The following SKI variants were observed in gnomAD, a reference collection of about 807,000 sequenced individuals.
SKI encodes ski oncogene.
A neutral mutation model predicts 59.3 loss-of-function variants in SKI; 23 were observed. The ratio of observed to expected loss-of-function variants is 0.39; its 90% confidence interval spans 0.28 to 0.55. SKI has a LOEUF of 0.55. Ranked by LOEUF, SKI falls within the 20% of genes least tolerant of loss-of-function variation. SKI has a pLI of 0.67. For synonymous variants in SKI, 673 were observed against 488.6 expected (o/e 1.38, Z -4.98); for missense variants, 1,017 against 1,038.9 (o/e 0.98, Z 0.29).
chr1:2,302,807 A>T (rs1438153011), intron 1 of SKI, among the ~76,000 whole-genome samples, 171 bp from the exon 2 acceptor site: 1 of 152,138 alleles, frequency 6.6e-6, no homozygotes, highest in African/African-American at 2.4e-5. Flanking sequence ...CCTTTATGCA[A>T]AGTGAACTTG....
chr1:2,306,191 G>A lies in SKI; in HGVS notation c.1939G>A (p.Ala647Thr), dbSNP rs1312365709. The A allele has an allele frequency of 6.3e-7, 1 of 1,583,714 alleles. No individual in the cohort carries two copies. Among genetic ancestry groups the A allele is most frequent in the Admixed American group, 1.8e-5 (1 of 55,056 alleles). Residue 647 changes from alanine (A) to threonine (T), a missense_variant, in exon 6 of 7, where the codon GCC (alanine) becomes ACC (threonine). Coordinates refer to ENST00000378536, the MANE Select transcript of SKI (RefSeq NM_003036.4). Reference sequence around the variant, plus strand: ...GCGGGAGCTGGAGCAGGCGCGGCAGGCCCGGGTGTGCGACAAGGGCTGCGA... The same window carrying A: ...GCGGGAGCTGGAGCAGGCGCGGCAGACCCGGGTGTGCGACAAGGGCTGCGA... ...LKRELEQARQ[A>T]RVCDKGCEAG... is the part of the protein sequence containing the mutation.
chr1:2,304,269 T>A, intron 4 of SKI, 24 bp from the exon 5 acceptor site: 1 of 1,551,758 alleles, frequency 6.4e-7, no homozygotes, highest in South Asian at 1.2e-5. Flanking sequence ...CATGACTTTG[T>A]TTCTGTCTCT....
chr1:2,303,823 C>T lies in SKI; in HGVS notation c.1212-17C>T, dbSNP rs1482082437. The T allele has an allele frequency of 2.5e-6, 4 of 1,611,606 alleles. No homozygotes were observed. The African/African-American group carries it at 4.0e-5, about 16-fold the overall frequency. ...TGGGGACAGAGGCACCTTCCCGACACCCGCCTGCCCCTCCAGCTTCTACTC... is the reference window on the plus strand; with the variant it reads ...TGGGGACAGAGGCACCTTCCCGACATCCGCCTGCCCCTCCAGCTTCTACTC... On this transcript the variant is annotated splice_polypyrimidine_tract_variant and intron_variant, in intron 3 of 6. Coordinates refer to ENST00000378536, the MANE Select transcript of SKI (RefSeq NM_003036.4). This position sits in a 1 kb window ranked among gnomAD's most constrained non-coding sequence, Gnocchi z 5.6.
intron 1 of SKI, among the ~76,000 whole-genome samples, chr1:2,257,106 A>G (rs186347652): frequency 1.6e-4 from 24 of 152,016 alleles, no homozygotes; most frequent in Non-Finnish European, 2.8e-4. Flanking sequence ...TCATGATTTC[A>G]TTTTCGTTTC....
At chr1:2,239,814 C>T (rs1221217892) in intron 1 of SKI, among the ~76,000 whole-genome samples, 1 of 152,204 alleles carries the variant, frequency 6.6e-6, no homozygotes, top group Non-Finnish European at 1.5e-5. Context: ...TCCTGCCCTC[C>T]GGGGCGTCCC....
intron 1 of SKI, among the ~76,000 whole-genome samples, chr1:2,286,034 C>T (rs983209636): frequency 1.2e-4 from 19 of 152,012 alleles, no homozygotes; most frequent in African/African-American, 1.7e-4. Flanking sequence ...CTGCCACACC[C>T]GGCTAATTTT....
At chr1:2,252,962 T>G (rs260511) in intron 1 of SKI, among the ~76,000 whole-genome samples, 82,543 of 151,698 alleles carry the variant, frequency 0.54, 22,907 homozygotes, top group East Asian at 0.83. Flanking sequence ...CGGGCGTGGT[T>G]GCAGGTGCCT....
At position 2,303,745 on chromosome 1, in the gene SKI, C is replaced by A. The variant is rs2100917974; in HGVS notation, c.1212-95C>A. On this transcript the variant is annotated intron_variant, in intron 3 of 6. Transcript: ENST00000378536. This position sits in a 1 kb window ranked among gnomAD's most constrained non-coding sequence, Gnocchi z 5.6. ...AAGATTCGGAGCTGGGAAAGTCTTT[C>A]CTGTTTAACACCTTCAGAGGGGGTG... The A allele has an allele frequency of 1.3e-6, 2 of 1,493,654 alleles. No individual in the cohort carries two copies. Among genetic ancestry groups the A allele is most frequent in the East Asian group, 4.7e-5 (2 of 42,568 alleles). The allele number at this position is 1,493,654 out of a possible 1,614,324, so 92.5% of individuals were successfully genotyped here.
At chr1:2,265,409 G>A (rs866227959) in intron 1 of SKI, among the ~76,000 whole-genome samples, 1 of 152,002 alleles carries the variant, frequency 6.6e-6, no homozygotes, top group African/African-American at 2.4e-5. Context: ...TCTCCTCCAC[G>A]GTTAATCCCA....
At chr1:2,304,920 G>A (rs60363208) in intron 5 of SKI, among the ~76,000 whole-genome samples, 24,477 of 152,252 alleles carry the variant, frequency 0.16, 2,249 homozygotes, top group East Asian at 0.38. Context: ...AAGGGAGGCC[G>A]GGCTATTTTT....
chr1:2,252,576 C>T (rs1183464615), intron 1 of SKI, among the ~76,000 whole-genome samples: 9 of 149,166 alleles, frequency 6.0e-5, no homozygotes, highest in African/African-American at 1.7e-4. Context: ...TCAGTGCCCG[C>T]GGAGCAGGTA....
At chr1:2,252,199 C>G (rs1639167443) in intron 1 of SKI, among the ~76,000 whole-genome samples, 2 of 152,158 alleles carry the variant, frequency 1.3e-5, no homozygotes, top group Admixed American at 6.5e-5. Context: ...TTTATCCTAC[C>G]TTAAGTTTTC....
intron 1 of SKI, among the ~76,000 whole-genome samples, chr1:2,237,336 G>A (rs1464395373): frequency 2.0e-5 from 3 of 152,188 alleles, no homozygotes; most frequent in East Asian, 1.9e-4. Context: ...TGCTCCCTGC[G>A]GTGCTCCTGG....
In SKI at chr1:2,228,926, G is replaced by A; in HGVS notation, c.160G>A (p.Glu54Lys). Residue 54 changes from glutamate (E) to lysine (K), a missense_variant, in exon 1 of 7, where the codon GAG (glutamate) becomes AAG (lysine). By Grantham distance (56) the Glu-to-Lys change is moderately conservative (BLOSUM62 1). Transcript: ENST00000378536. The stretch of plus-strand genomic sequence containing the variant: ...GGCCTACAAGAAGGAGAGCGCCAAG[G>A]AGGCGGGCGCGGCCGCGGTGCCGGC... Reference protein sequence around the residue: ...QEAYKKESAKEAGAAAVPAPV... With the variant: ...QEAYKKESAKKAGAAAVPAPV... The A allele has an allele frequency of 7.2e-7, 1 of 1,389,284 alleles. No homozygotes were observed. Among genetic ancestry groups the A allele is most frequent in the Non-Finnish European group, 9.4e-7 (1 of 1,066,390 alleles). 86.1% of individuals were successfully genotyped at this position (1,389,284 alleles called of 1,614,324 possible).
chr1:2,306,871 C>T lies in SKI; in HGVS notation c.*106C>T, dbSNP rs905190438. On this transcript the variant is annotated 3_prime_UTR_variant, in exon 7 of 7. Transcript: ENST00000378536. ...CGCCCCTGCAGCCCACACAGCACAA[C>T]GTCTTACCGTGCCTATTACCAAGCG... is the stretch of plus-strand genomic sequence containing the variant. 1.5e-5 allele frequency: 11 copies of T among 741,570 alleles called. No individual in the cohort carries two copies. The highest frequency in any genetic ancestry group is 3.1e-5 in the South Asian group (1 of 32,488). The allele number at this position is 741,570 out of a possible 1,614,324, so 45.9% of individuals were successfully genotyped here. A position where few individuals can be genotyped will look rare whatever the true frequency, so the allele number is the denominator to read the frequency against.
chr1:2,278,530 G>C (rs1396100997), intron 1 of SKI, among the ~76,000 whole-genome samples: 1 of 152,170 alleles, frequency 6.6e-6, no homozygotes, highest in East Asian at 1.9e-4. Flanking sequence ...TGGCCTCAGC[G>C]CAGCAGGCCT....
rs367813888 is a variant in SKI at position 2,268,190 on chromosome 1, G to A, written c.970-34788G>A. ...TCTGTGGGTGGGTGGCTGTGCTGCC[G>A]CTGCTGTCGCCCATCCTTGGGGGCC... is the stretch of plus-strand genomic sequence containing the variant. On this transcript the variant is annotated intron_variant, in intron 1 of 6. Transcript: ENST00000378536. The surrounding 1 kb of genome is among the most constrained non-coding windows in gnomAD (Gnocchi z 5.0). Among the ~76,000 whole-genome samples, 2 of 152,326 alleles carry A rather than the reference G, an allele frequency of 1.3e-5. No homozygotes were observed. The highest frequency in any genetic ancestry group is 2.1e-4 in the South Asian group (1 of 4,826).
rs764434295 is a variant in SKI, at chr1:2,306,185, C to G, written c.1933C>G (p.Arg645Gly). ...LRLKRELEQARQARVCDKGCE... is the reference protein window; with the variant it reads ...LRLKRELEQAGQARVCDKGCE... ...CCTGAAGCGGGAGCTGGAGCAGGCG[C>G]GGCAGGCCCGGGTGTGCGACAAGGG... The change falls in exon 6 of 7, where the codon CGG becomes GGG. Residue 645 changes from arginine to glycine, a missense_variant. Transcript: ENST00000378536. 3 of 1,585,968 alleles carry G rather than the reference C, an allele frequency of 1.9e-6. No individual in the cohort carries two copies. Among genetic ancestry groups the G allele is most frequent in the Non-Finnish European group, 2.6e-6 (3 of 1,167,146 alleles).
chr1:2,244,556 G>C (rs1381980005), intron 1 of SKI, among the ~76,000 whole-genome samples: 1 of 152,074 alleles, frequency 6.6e-6, no homozygotes, highest in Non-Finnish European at 1.5e-5. Context: ...CTACAGCCTG[G>C]GTGACAGAGC....
Sources: allele counts gnomAD v4.1 joint callset (sites outside exome capture counted in the v4.1 genomes callset), GRCh38; gene constraint gnomAD v4.1.1; non-coding constraint Gnocchi (gnomAD v3.1); transcripts MANE v1.5; gene names NCBI Gene and HGNC (gene_info 2026-07-23, HGNC 2026-07-21).